The following RRBP1 variants were observed in gnomAD, a reference collection of about 807,000 sequenced individuals.
RRBP1 encodes ribosome-binding protein 1.
Under a neutral mutation model 165.2 loss-of-function variants are expected in RRBP1, and 94 were observed. The observed-to-expected ratio is 0.57, with a 90% CI of 0.48 to 0.68. The LOEUF is 0.68. Ranked by LOEUF, RRBP1 falls within the 30% of genes least tolerant of loss-of-function variation. RRBP1 has a pLI of 0.00. For synonymous variants in RRBP1, 680 were observed against 714.5 expected (o/e 0.95, Z 0.77); for missense variants, 1,676 against 1,763.0 (o/e 0.95, Z 0.88).
chr20:17,627,762 C>G, intron 9 of RRBP1, 80 bp from the exon 10 acceptor site: 1 of 1,392,250 alleles, frequency 7.2e-7, no homozygotes, highest in Non-Finnish European at 9.7e-7. Context: ...CTGCTGCCCT[C>G]TTAGCACATG....
At chr20:17,642,338 A>C (rs2036379436) in intron 4 of RRBP1, among the ~76,000 whole-genome samples, 1 of 152,006 alleles carries the variant, frequency 6.6e-6, no homozygotes, top group South Asian at 2.1e-4. Flanking sequence ...GGTCATCTGA[A>C]TCTCCTATGG....
intron 3 of RRBP1, among the ~76,000 whole-genome samples, chr20:17,651,233 T>G (rs1447843505): frequency 6.6e-6 from 1 of 152,142 alleles, no homozygotes; most frequent in African/African-American, 2.4e-5. Context: ...ATTCCCAGAG[T>G]AGCACAGCAG....
At chr20:17,671,136 G>A (rs2036969908) in intron 2 of RRBP1, among the ~76,000 whole-genome samples, 1 of 152,082 alleles carries the variant, frequency 6.6e-6, no homozygotes, top group African/African-American at 2.4e-5. Flanking sequence ...ATGTCTACAA[G>A]TTGTTCCTGG....
Position 17,614,811 on chromosome 20 carries a change from GA to G in RRBP1, c.4119del (p.Leu1374Ter). 6.2e-7 allele frequency: 1 copy of G among 1,613,898 alleles called. No homozygotes were observed. Among genetic ancestry groups the G allele is most frequent in the Non-Finnish European group, 8.5e-7 (1 of 1,180,036 alleles). On this transcript the variant is annotated frameshift_variant, in exon 24 of 25. Coordinates refer to ENST00000377813, the MANE Select transcript of RRBP1 (RefSeq NM_001365613.2). LOFTEE classifies it high-confidence loss of function. ...LGRAATRLQELLKTTQEQLAR... is the reference protein window; with the variant it reads ...LGRAATRLQEXLKTTQEQLAR... ...GCCAGCTGCTCCTGGGTCGTCTTCAGAAGCTCCTGCAGTCTCGTGGCGGCGC... is the reference window on the plus strand; with the variant it reads ...GCCAGCTGCTCCTGGGTCGTCTTCAGAGCTCCTGCAGTCTCGTGGCGGCGC...
At chr20:17,663,791 C>T (rs953712402) in intron 2 of RRBP1, among the ~76,000 whole-genome samples, 5 of 152,158 alleles carry the variant, frequency 3.3e-5, no homozygotes, top group African/African-American at 1.2e-4. Context: ...TGATAAGAGG[C>T]CCCCAACAGA....
intron 3 of RRBP1, among the ~76,000 whole-genome samples, chr20:17,654,356 A>C (rs1335978735): frequency 6.6e-6 from 1 of 152,184 alleles, no homozygotes; most frequent in Non-Finnish European, 1.5e-5. Flanking sequence ...CAGTGAGAAG[A>C]TCTCTACCTG....
Position 17,621,923 on chromosome 20 carries a change from G to A in RRBP1, c.3172C>T (p.Leu1058=). The change falls in exon 14 of 25, where the codon CTG becomes TTG. Residue 1058 remains leucine, a synonymous_variant. Coordinates refer to ENST00000377813, the MANE Select transcript of RRBP1 (RefSeq NM_001365613.2). The stretch of plus-strand genomic sequence containing the variant: ...GCCTCCATGGTCTGCGCCTCAATCA[G>A]ACAGAGCTGCTTCTCCGATTCCTCC... ...AKEESEKQLC[L]IEAQTMEALL... The A allele has an allele frequency of 6.2e-7, 1 of 1,610,174 alleles. No homozygotes were observed. The highest frequency in any genetic ancestry group is 8.5e-7 in the Non-Finnish European group (1 of 1,177,604).
At chr20:17,670,573 T>C (rs2122493880) in intron 2 of RRBP1, among the ~76,000 whole-genome samples, 1 of 152,302 alleles carries the variant, frequency 6.6e-6, no homozygotes, top group Admixed American at 6.5e-5. Context: ...CTTATCCTTG[T>C]TCCAGCCTCT....
In RRBP1 at chr20:17,678,711, C is replaced by T. The variant is rs11698623; in HGVS notation, c.-22+1288G>A. Among the ~76,000 whole-genome samples the T allele has an allele frequency of 4.7e-3, 714 of 152,290 alleles. 5 individuals carry two copies. The highest frequency in any genetic ancestry group is 7.1e-3 in the Non-Finnish European group (480 of 68,024). On this transcript the variant is annotated intron_variant, in intron 2 of 24. Coordinates refer to ENST00000377813, the MANE Select transcript of RRBP1 (RefSeq NM_001365613.2). ...TGACTACTGAGCACCTGAAATGTGG[C>T]TAATTTGACTCAGAAATTGAATTTT...
intron 19 of RRBP1, 133 bp from the exon 20 acceptor site, chr20:17,618,812 C>G (rs534802827): frequency 1.6e-5 from 11 of 694,284 alleles, no homozygotes; most frequent in Non-Finnish European, 2.6e-5. Context: ...GTCACAGCAT[C>G]GGGCCGGCAC....
chr20:17,619,602 A>C, intron 19 of RRBP1, 31 bp downstream of exon 19: 1 of 1,527,936 alleles, frequency 6.5e-7, no homozygotes, highest in Middle Eastern at 1.7e-4. Flanking sequence ...TCTGCTGGGC[A>C]GGGGCTGCAC....
chr20:17,649,756 C>A (rs76241288), intron 3 of RRBP1, among the ~76,000 whole-genome samples: 1 of 152,040 alleles, frequency 6.6e-6, no homozygotes, highest in Non-Finnish European at 1.5e-5. Context: ...TTGCAGAACA[C>A]GACTTGGGAT....
intron 5 of RRBP1, among the ~76,000 whole-genome samples, chr20:17,640,074 G>A (rs1429225274): frequency 6.6e-6 from 1 of 152,198 alleles, no homozygotes; most frequent in Non-Finnish European, 1.5e-5. Flanking sequence ...TCAGCTGCGA[G>A]GTGGCCTGGC....
At chr20:17,644,247 G>A (rs1370445235) in intron 3 of RRBP1, among the ~76,000 whole-genome samples, 2 of 152,150 alleles carry the variant, frequency 1.3e-5, no homozygotes, top group Non-Finnish European at 2.9e-5. Context: ...CCCTGGTGAG[G>A]CTCGGGAGTT....
At chr20:17,648,602 T>A (rs1034278299) in intron 3 of RRBP1, among the ~76,000 whole-genome samples, 1 of 152,244 alleles carries the variant, frequency 6.6e-6, no homozygotes, top group Non-Finnish European at 1.5e-5. Flanking sequence ...TTTCAATCAG[T>A]CCTTTTCCTT....
intron 2 of RRBP1, among the ~76,000 whole-genome samples, chr20:17,675,093 A>C (rs1026778455): frequency 1.3e-5 from 2 of 152,272 alleles, no homozygotes; most frequent in Admixed American, 6.5e-5. Context: ...GAGGGCTCCC[A>C]GGAGAGAGCC....
At chr20:17,656,472 G>C (rs2036647742) in intron 3 of RRBP1, among the ~76,000 whole-genome samples, 1 of 152,092 alleles carries the variant, frequency 6.6e-6, no homozygotes, top group Non-Finnish European at 1.5e-5. Flanking sequence ...CAAGTGCTTG[G>C]CGGGTCTAAG....
intron 2 of RRBP1, among the ~76,000 whole-genome samples, chr20:17,679,551 T>C (rs1410588765): frequency 1.3e-5 from 2 of 152,064 alleles, no homozygotes; most frequent in African/African-American, 4.8e-5. Context: ...ACAAGAAGAG[T>C]CTGGGGTCCC....
chr20:17,677,404 G>C (rs1038841901), intron 2 of RRBP1, among the ~76,000 whole-genome samples: 1 of 152,168 alleles, frequency 6.6e-6, no homozygotes, highest in African/African-American at 2.4e-5. Flanking sequence ...AGATCAAGTA[G>C]CTGTCCATCA....
Sources: gnomAD v4.1 joint callset for allele counts (sites outside exome capture counted in the v4.1 genomes callset) on GRCh38, gnomAD v4.1.1 for gene constraint, MANE v1.5 for transcripts, NCBI Gene and HGNC (gene_info 2026-07-23, HGNC 2026-07-21) for gene names.